The following NEBL variants were observed in gnomAD, a reference collection of about 807,000 sequenced individuals.
The protein encoded by NEBL is LIM and SH3 protein 2.
NEBL carries 122 observed loss-of-function variants against 140.2 expected under a neutral mutation model. That is an observed-to-expected ratio of 0.87 (90% CI 0.75 to 1.01). The LOEUF (loss-of-function observed/expected upper bound fraction) is 1.01. NEBL is among the 50% of genes least tolerant of loss of function. The pLI is 0.00. For synonymous variants in NEBL, 436 were observed against 398.9 expected (o/e 1.09, Z -1.11); for missense variants, 1,365 against 1,231.3 (o/e 1.11, Z -1.62).
intron 24 of NEBL, among the ~76,000 whole-genome samples, chr10:20,811,859 G>C (rs1041540814): frequency 1.3e-5 from 2 of 152,200 alleles, no homozygotes; most frequent in African/African-American, 4.8e-5. Flanking sequence ...ATAGTCTTCA[G>C]TTGTTGATAC....
intron 2 of NEBL, among the ~76,000 whole-genome samples, chr10:21,100,968 C>T (rs12241951): frequency 0.037 from 5,683 of 152,234 alleles, 342 homozygotes; most frequent in African/African-American, 0.13. Flanking sequence ...TCCCACACAT[C>T]GACCTTTCAC....
At chr10:21,259,063 C>T (rs911746121) in intron 1 of NEBL, among the ~76,000 whole-genome samples, 3 of 149,214 alleles carry the variant, frequency 2.0e-5, no homozygotes, top group African/African-American at 5.0e-5. Flanking sequence ...GAAAAAAAGA[C>T]GCACAGTCTT....
chr10:21,111,414 C>A (rs1157857843), intron 2 of NEBL, among the ~76,000 whole-genome samples: 1 of 152,074 alleles, frequency 6.6e-6, no homozygotes, highest in African/African-American at 2.4e-5. Context: ...TGGAACAGAA[C>A]AGAGGCCTCA....
chr10:21,062,115 G>C (rs1474070827), intron 2 of NEBL, among the ~76,000 whole-genome samples: 1 of 152,218 alleles, frequency 6.6e-6, no homozygotes. Context: ...TGCATATCTT[G>C]TGAAGTTTAA....
chr10:20,815,301 A>T (rs554555739), intron 22 of NEBL, among the ~76,000 whole-genome samples: 2 of 152,300 alleles, frequency 1.3e-5, no homozygotes, highest in South Asian at 4.1e-4. Context: ...GAAAATGACA[A>T]TTATTTAACG....
chr10:21,220,598 T>G (rs984314727), intron 3 of NEBL, among the ~76,000 whole-genome samples: 8 of 152,188 alleles, frequency 5.3e-5, no homozygotes, highest in African/African-American at 1.9e-4. Context: ...ACAATGATTT[T>G]CTGGATGTTA....
At chr10:20,959,599 A>C (rs1452201766) in intron 4 of NEBL, among the ~76,000 whole-genome samples, 1 of 152,154 alleles carries the variant, frequency 6.6e-6, no homozygotes, top group African/African-American at 2.4e-5. Context: ...ATAAATGAAT[A>C]ATAAATTCAC....
chr10:21,280,660 T>G (rs1214208344), intron 1 of NEBL, among the ~76,000 whole-genome samples: 1 of 125,238 alleles, frequency 8.0e-6, no homozygotes, highest in Non-Finnish European at 1.6e-5. Context: ...CAGGCTGGAG[T>G]GCAGTGGTGC....
At chr10:20,834,466 C>T (rs999903951) in intron 14 of NEBL, among the ~76,000 whole-genome samples, 1 of 152,172 alleles carries the variant, frequency 6.6e-6, no homozygotes, top group Non-Finnish European at 1.5e-5. Context: ...TTGTCTTATT[C>T]AATCATGGCA....
chr10:20,911,914 T>C (rs984228006), intron 4 of NEBL, among the ~76,000 whole-genome samples: 4 of 152,342 alleles, frequency 2.6e-5, no homozygotes, highest in South Asian at 2.1e-4. Context: ...ATATTTATCA[T>C]AGCATTCAGT....
intron 26 of NEBL, among the ~76,000 whole-genome samples, chr10:20,792,813 A>C (rs545269074): frequency 1.6e-4 from 24 of 152,208 alleles, no homozygotes; most frequent in African/African-American, 4.6e-4. Flanking sequence ...CAAAAAAAAA[A>C]AAAACAAAAC....
In NEBL at chr10:21,095,176, T is replaced by C. The variant is rs1479427767; in HGVS notation, c.165-74975A>G. 3.3e-5 allele frequency among the ~76,000 whole-genome samples: 5 copies of C among 152,316 alleles called. 1 individual carries two copies. Among genetic ancestry groups the C allele is most frequent in the Admixed American group, 2.0e-4 (3 of 15,306 alleles). ...GGGCCCATGAATCAGCTCTCTAGAC[T>C]GTTCATAAGTCCACTAAGATTTCAG... On this transcript the variant is annotated intron_variant, in intron 2 of 6. Transcript: ENST00000417816.
chr10:21,143,265 A>G (rs1839728583), intron 2 of NEBL, among the ~76,000 whole-genome samples: 1 of 151,952 alleles, frequency 6.6e-6, no homozygotes, highest in Non-Finnish European at 1.5e-5. Context: ...CCTGGCCAAC[A>G]TGGCGAAACC....
In NEBL at chr10:20,780,975, G is replaced by A. The variant is rs965324788; in HGVS notation, c.*4772C>T. The A allele has an allele frequency of 1.3e-5, 2 of 152,224 alleles. No individual in the cohort carries two copies. The highest frequency in any genetic ancestry group is 6.5e-5 in the Admixed American group (1 of 15,268). 9.4% of individuals were successfully genotyped at this position (152,224 alleles called of 1,614,324 possible). ...TATACAATGTGATGCTAGGCTTAAT[G>A]TGTCATTTCAATGCTGTTGTACATT... On this transcript the variant is annotated 3_prime_UTR_variant, in exon 28 of 28. Coordinates refer to ENST00000377122, the MANE Select transcript of NEBL (RefSeq NM_006393.3).
chr10:21,182,145 T>C (rs1042070697), intron 3 of NEBL, among the ~76,000 whole-genome samples: 2 of 151,000 alleles, frequency 1.3e-5, no homozygotes, highest in East Asian at 1.9e-4. Context: ...GGACAGGATA[T>C]GGCTGCTGGC....
chr10:21,195,666 C>T (rs1484306598), intron 3 of NEBL, among the ~76,000 whole-genome samples: 6 of 152,168 alleles, frequency 3.9e-5, no homozygotes, highest in African/African-American at 1.4e-4. Flanking sequence ...ACCTCCCTCC[C>T]TCTCTCTCCT....
chr10:21,248,190 C>T (rs1588560946), intron 2 of NEBL: 1 of 164,916 alleles, frequency 6.1e-6, no homozygotes, highest in African/African-American at 2.4e-5. Flanking sequence ...CCCACCTCAG[C>T]CTCCTAAGTA....
chr10:20,902,560 C>T (rs545248725), intron 4 of NEBL, among the ~76,000 whole-genome samples: 1 of 152,152 alleles, frequency 6.6e-6, no homozygotes, highest in South Asian at 2.1e-4. Context: ...CAACAATTTC[C>T]AGGTTGGGTG....
At chr10:21,175,413 C>A (rs1030616324), upstream of NEBL, among the ~76,000 whole-genome samples, 4 of 152,180 alleles carry the variant, frequency 2.6e-5, no homozygotes, top group African/African-American at 9.7e-5. Flanking sequence ...AACAAAGAAG[C>A]GAACACATTC....
Sources: gnomAD v4.1 joint callset for allele counts (sites outside exome capture counted in the v4.1 genomes callset) on GRCh38, gnomAD v4.1.1 for gene constraint, MANE v1.5 for transcripts, NCBI Gene and HGNC (gene_info 2026-07-23, HGNC 2026-07-21) for gene names.